Variants in TRPM1 observed in about 807,000 individuals in gnomAD.
TRPM1 encodes the protein transient receptor potential cation channel subfamily M member 1.
In TRPM1, 113 loss-of-function variants were observed where a neutral mutation model predicts 149.4. That is an observed-to-expected ratio of 0.76 (90% CI 0.65 to 0.88). TRPM1 has a LOEUF of 0.88. TRPM1 is among the 40% of genes least tolerant of loss of function. The probability of loss-of-function intolerance (pLI) is 0.00; values close to 1 mark genes in which losing one functional copy is unlikely to be tolerated. For missense variants in TRPM1, 1,976 were observed against 2,038.7 expected, an observed-to-expected ratio of 0.97 and a Z score of 0.59; for synonymous variants, 741 against 759.5, an observed-to-expected ratio of 0.98 and a Z score of 0.40.
At chr15:31,134,417 A>G (rs2036061678) in intron 1 of TRPM1, among the ~76,000 whole-genome samples, 1 of 152,194 alleles carries the variant, frequency 6.6e-6, no homozygotes, top group Admixed American at 6.5e-5. Flanking sequence ...GAAAAACACC[A>G]TAGAAGTTAC....
intron 1 of TRPM1, among the ~76,000 whole-genome samples, chr15:31,151,529 C>T (rs1301175403): frequency 6.6e-6 from 1 of 152,218 alleles, no homozygotes; most frequent in Admixed American, 6.5e-5. Flanking sequence ...GAGCAGCTAC[C>T]CTACAGAAGG....
intron 16 of TRPM1, among the ~76,000 whole-genome samples, chr15:31,044,971 C>T (rs1441837219): frequency 1.3e-5 from 2 of 151,990 alleles, no homozygotes; most frequent in Non-Finnish European, 2.9e-5. Flanking sequence ...CTGAAATGTA[C>T]TTATATTTAT....
At chr15:31,160,625 G>C (rs562239023) in intron 1 of TRPM1, among the ~76,000 whole-genome samples, 5 of 152,232 alleles carry the variant, frequency 3.3e-5, no homozygotes, top group Non-Finnish European at 4.4e-5. Flanking sequence ...AATGGTGAAA[G>C]GATTTGTGCC....
intron 3 of TRPM1, among the ~76,000 whole-genome samples, chr15:31,071,493 C>A (rs928616201): frequency 1.3e-5 from 2 of 152,138 alleles, no homozygotes; most frequent in East Asian, 3.9e-4. Flanking sequence ...TTCCTCCCTG[C>A]CTTGTCTTTC....
chr15:31,118,510 G>GA (rs956673520), intron 1 of TRPM1, among the ~76,000 whole-genome samples: 45 of 148,016 alleles, frequency 3.0e-4, no homozygotes, highest in Middle Eastern at 3.4e-3. Context: ...GAAAATTTCG[G>GA]AAAAAAAAAA....
At chr15:31,134,938 G>A (rs772711443) in intron 1 of TRPM1, among the ~76,000 whole-genome samples, 13 of 152,142 alleles carry the variant, frequency 8.5e-5, no homozygotes, top group East Asian at 3.8e-4. Flanking sequence ...GGGAGGCAGC[G>A]GAGGTTGCAG....
In TRPM1 at chr15:31,060,574, G is replaced by T. The variant is rs766673024; in HGVS notation, c.1233C>A (p.Ser411Arg). 10 of 1,614,224 alleles carry T rather than the reference G, an allele frequency of 6.2e-6. No homozygotes were observed. The Admixed American group carries it at 1.7e-4, about 27-fold the overall frequency. The change falls in exon 11 of 28, where the codon AGC becomes AGA. Residue 411 changes from serine (S) to arginine (R), a missense_variant. Ser to Arg is a moderately radical substitution (Grantham distance 110). Transcript: ENST00000256552. ...LAWNRVDIAR[S>R]QIFVFGPHWP... Reference sequence around the variant, plus strand: ...AGTGGGGCCCAAAGACAAAGATCTGGCTTCGTGCTATGTCCACGCGGTTCC... The same window carrying T: ...AGTGGGGCCCAAAGACAAAGATCTGTCTTCGTGCTATGTCCACGCGGTTCC...
upstream of TRPM1, among the ~76,000 whole-genome samples, chr15:31,106,450 T>TA (rs905713117): frequency 1.3e-5 from 2 of 151,902 alleles, no homozygotes; most frequent in African/African-American, 2.4e-5. Context: ...CAAGTAAACT[T>TA]AAAAAAAAAT....
chr15:31,110,239 G>T (rs1324024338), intron 1 of TRPM1, among the ~76,000 whole-genome samples: 1 of 152,104 alleles, frequency 6.6e-6, no homozygotes, highest in East Asian at 1.9e-4. Flanking sequence ...ATCTTCATTT[G>T]TAAATTAAAT....
At chr15:31,109,434 C>T (rs1309733453) in intron 1 of TRPM1, among the ~76,000 whole-genome samples, 2 of 150,608 alleles carry the variant, frequency 1.3e-5, no homozygotes, top group East Asian at 2.0e-4. Context: ...CAGTGGCTCA[C>T]GCCTGTAATC....
rs1216335667 is a variant in TRPM1, at chr15:31,035,690, G to A, written c.2572-16C>T. The A allele has an allele frequency of 5.0e-6, 8 of 1,614,050 alleles. No homozygotes were observed. The highest frequency in any genetic ancestry group is 3.3e-5 in the Admixed American group (2 of 60,012). ...AGTATGATATCTGAAAGAAAGACAA[G>A]CTGTTAGCCGTGTTTGGGGGAATCA... On this transcript the variant is annotated splice_polypyrimidine_tract_variant and intron_variant, in intron 20 of 27. Transcript: ENST00000256552.
At chr15:31,047,661 T>C (rs2033819437) in intron 14 of TRPM1, among the ~76,000 whole-genome samples, 2 of 152,204 alleles carry the variant, frequency 1.3e-5, no homozygotes, top group African/African-American at 4.8e-5. Context: ...CGTCAACCTA[T>C]AATCCGGCTG....
chr15:31,063,250 C>A lies in TRPM1; in HGVS notation c.833G>T (p.Gly278Val). 6.2e-7 allele frequency: 1 copy of A among 1,614,162 alleles called. No individual in the cohort carries two copies. The highest frequency in any genetic ancestry group is 1.3e-5 in the African/African-American group (1 of 75,016). Residue 278 changes from glycine to valine, a missense_variant, in exon 8 of 28, where the codon GGG becomes GTG. This residue lies in a region of TRPM1 where 1,332 missense variants were observed against 1,347.1 expected (regional missense o/e 0.99). Coordinates refer to ENST00000256552, the MANE Select transcript of TRPM1 (RefSeq NM_001252024.2). ...GACGATGGACACCACGTTAGGGCCC[C>A]CCTCCACCACGAGACCCACGAGGGG... ...GVPLVGLVVE[G>V]GPNVVSIVLE...
chr15:31,088,803 G>T (rs1421364327), intron 1 of TRPM1, among the ~76,000 whole-genome samples: 1 of 129,126 alleles, frequency 7.7e-6, no homozygotes, highest in Non-Finnish European at 1.5e-5. Context: ...TCTTTCTGCT[G>T]GGGGGATGCG....
intron 27 of TRPM1, among the ~76,000 whole-genome samples, chr15:31,006,370 G>A (rs2031989584): frequency 6.6e-6 from 1 of 152,108 alleles, no homozygotes; most frequent in South Asian, 2.1e-4. Flanking sequence ...TAGAGACGGG[G>A]TTTTGCCATG....
intron 27 of TRPM1, among the ~76,000 whole-genome samples, chr15:31,008,101 A>AT (rs1460902054): frequency 6.6e-6 from 1 of 152,206 alleles, no homozygotes; most frequent in Non-Finnish European, 1.5e-5. Flanking sequence ...TTTTTTAAAG[A>AT]TTTTATGTGA....
At chr15:31,071,937 G>A (rs1289036721) in intron 3 of TRPM1, among the ~76,000 whole-genome samples, 12 of 135,062 alleles carry the variant, frequency 8.9e-5, no homozygotes, top group East Asian at 2.2e-4. Flanking sequence ...GCACTCCAGC[G>A]TGGTTGACAG....
At chr15:31,118,189 C>T (rs1303045216) in intron 1 of TRPM1, among the ~76,000 whole-genome samples, 1 of 151,990 alleles carries the variant, frequency 6.6e-6, no homozygotes, top group Non-Finnish European at 1.5e-5. Flanking sequence ...ACCCAGGAGG[C>T]AGAGGTTGCA....
At chr15:31,079,251 A>G (rs544944524) in intron 2 of TRPM1, among the ~76,000 whole-genome samples, 1 of 151,430 alleles carries the variant, frequency 6.6e-6, no homozygotes, top group Admixed American at 6.6e-5. Context: ...GTGGCTTAGA[A>G]TAACAAACAA....
Sources: allele counts gnomAD v4.1 joint callset (sites outside exome capture counted in the v4.1 genomes callset), GRCh38; gene constraint gnomAD v4.1.1; regional missense constraint gnomAD v4.1.1; transcripts MANE v1.5; gene names NCBI Gene and HGNC (gene_info 2026-07-23, HGNC 2026-07-21).